Variants in DISP1 observed in about 807,000 individuals in gnomAD.
The protein encoded by DISP1 is dispatched RND transporter family member 1.
A neutral mutation model predicts 37.3 loss-of-function variants in DISP1; 30 were observed. The ratio of observed to expected loss-of-function variants is 0.80; its 90% CI spans 0.60 to 1.09. The LOEUF is 1.09. Ranked by LOEUF, DISP1 falls within the 50% of genes least tolerant of loss-of-function variation. DISP1 has a pLI of 0.00. For missense variants in DISP1, 1,598 were observed against 1,879.5 expected (o/e 0.85, Z 2.77); for synonymous variants, 634 against 690.2 (o/e 0.92, Z 1.28).
chr1:222,828,152 T>C (rs1664875080), intron 1 of DISP1, among the ~76,000 whole-genome samples: 1 of 152,208 alleles, frequency 6.6e-6, no homozygotes, highest in Non-Finnish European at 1.5e-5. Context: ...GCAGGTGACT[T>C]GTCTGTGGTT....
At chr1:222,999,764 C>T (rs768416896) in intron 8 of DISP1, among the ~76,000 whole-genome samples, 13 of 152,152 alleles carry the variant, frequency 8.5e-5, no homozygotes, top group Admixed American at 1.3e-4. Context: ...GAACTCCATT[C>T]CTTTAAATTC....
intron 1 of DISP1, among the ~76,000 whole-genome samples, chr1:222,905,079 G>GT (rs1287069756): frequency 6.6e-6 from 1 of 152,088 alleles, no homozygotes; most frequent in African/African-American, 2.4e-5. Context: ...TAAGAAAGAA[G>GT]TAACTATTAT....
At chr1:222,957,405 A>G (rs1009512206) in intron 3 of DISP1, among the ~76,000 whole-genome samples, 1 of 152,136 alleles carries the variant, frequency 6.6e-6, no homozygotes, top group Middle Eastern at 3.2e-3. Context: ...CCTGACCAAC[A>G]TAGTGAAATC....
At chr1:222,917,753 G>A (rs547366222) in intron 1 of DISP1, among the ~76,000 whole-genome samples, 3 of 152,254 alleles carry the variant, frequency 2.0e-5, no homozygotes, top group South Asian at 4.1e-4. Flanking sequence ...GATTGCAAAC[G>A]TGGACTGTAA....
chr1:222,818,188 G>A (rs1362083193), intron 1 of DISP1, among the ~76,000 whole-genome samples: 3 of 152,218 alleles, frequency 2.0e-5, no homozygotes, highest in African/African-American at 7.2e-5. Flanking sequence ...TGACATACTA[G>A]GGGTCTTGAT....
At chr1:222,837,115 A>T (rs1184022913) in intron 1 of DISP1, 13 of 398,344 alleles carry the variant, frequency 3.3e-5, no homozygotes, top group African/African-American at 2.5e-4. Context: ...TTGGGATGTG[A>T]AAGGAAGAGA....
intron 3 of DISP1, among the ~76,000 whole-genome samples, chr1:222,944,095 G>C (rs943299450): frequency 1.3e-5 from 2 of 152,140 alleles, no homozygotes; most frequent in African/African-American, 4.8e-5. Context: ...CCTTATGGCT[G>C]TACTCAACAT....
chr1:222,903,518 A>T (rs917886741), intron 1 of DISP1, among the ~76,000 whole-genome samples: 6 of 152,100 alleles, frequency 3.9e-5, no homozygotes, highest in African/African-American at 1.4e-4. Flanking sequence ...CTAAATTTAT[A>T]TATGTAAATA....
intron 3 of DISP1, among the ~76,000 whole-genome samples, chr1:222,948,381 T>C (rs1006715708): frequency 3.3e-5 from 5 of 152,212 alleles, no homozygotes; most frequent in African/African-American, 9.7e-5. Context: ...CAATAAAATA[T>C]CCACAGAAGC....
rs976144181 is a variant in DISP1, at chr1:222,977,325, C to T, written c.510-5755C>T. ...CTGGGATTACAGGCATGAGCCACCACGCCCGGTCAGCATATTCTTTTTTTT... is the reference window on the plus strand; with the variant it reads ...CTGGGATTACAGGCATGAGCCACCATGCCCGGTCAGCATATTCTTTTTTTT... On this transcript the variant is annotated intron_variant, in intron 3 of 8. Coordinates refer to ENST00000675850, the MANE Select transcript of DISP1 (RefSeq NM_001377229.1). 8.7e-5 allele frequency among the ~76,000 whole-genome samples: 13 copies of T among 148,862 alleles called. 1 individual carries two copies. The highest frequency in any genetic ancestry group is 4.7e-4 in the Admixed American group (7 of 14,794).
chr1:222,960,969 A>T (rs1676014590), intron 3 of DISP1, among the ~76,000 whole-genome samples: 1 of 152,210 alleles, frequency 6.6e-6, no homozygotes, highest in Non-Finnish European at 1.5e-5. Flanking sequence ...TTGAGGCAGT[A>T]ATTAGTAGTC....
Position 222,994,925 on chromosome 1 carries a change from G to C in DISP1, c.930G>C (p.Gly310=). ...GAGTGGTATTTACTTCATCTGGAGG[G>C]GAGACATTATGGAATTTACCTGCAA... ...YSRVVFTSSG[G]ETLWNLPAIK... Residue 310 remains glycine (G), a synonymous_variant, in exon 8 of 9, where the codon GGG becomes GGC. Transcript: ENST00000675850. The C allele has an allele frequency of 1.2e-6, 2 of 1,613,118 alleles. No homozygotes were observed. Among genetic ancestry groups the C allele is most frequent in the Non-Finnish European group, 1.7e-6 (2 of 1,179,484 alleles).
chr1:222,949,985 T>C (rs372304429), intron 3 of DISP1, among the ~76,000 whole-genome samples: 9 of 152,320 alleles, frequency 5.9e-5, no homozygotes, highest in African/African-American at 1.9e-4. Flanking sequence ...GCAAGACTTA[T>C]ACCAACAAGT....
intron 3 of DISP1, 149 bp from the exon 4 acceptor site, chr1:222,982,930 TA>T (rs1302127487): frequency 1.8e-5 from 12 of 660,342 alleles, no homozygotes; most frequent in African/African-American, 4.3e-5. Context: ...ATCTCTCAAA[TA>T]GATTGCCTTT....
intron 1 of DISP1, among the ~76,000 whole-genome samples, chr1:222,830,115 C>A (rs1665375660): frequency 6.6e-6 from 1 of 152,106 alleles, no homozygotes; most frequent in Non-Finnish European, 1.5e-5. Context: ...TTTTTCCCTG[C>A]CTGTTCCTTA....
intron 1 of DISP1, among the ~76,000 whole-genome samples, chr1:222,881,968 A>G (rs778009824): frequency 6.6e-6 from 1 of 152,206 alleles, no homozygotes; most frequent in African/African-American, 2.4e-5. Context: ...CGAAACATTT[A>G]AAAAAGGCAG....
intron 1 of DISP1, among the ~76,000 whole-genome samples, chr1:222,902,293 T>C (rs940817680): frequency 1.3e-5 from 2 of 152,212 alleles, no homozygotes; most frequent in African/African-American, 4.8e-5. Flanking sequence ...TGTGGGCATT[T>C]AGTGCTGTAA....
intron 1 of DISP1, among the ~76,000 whole-genome samples, chr1:222,912,577 C>A (rs944505536): frequency 2.0e-5 from 3 of 152,100 alleles, no homozygotes; most frequent in African/African-American, 4.8e-5. Flanking sequence ...CTTTTTACTT[C>A]TTTTTACTTC....
Position 222,992,051 on chromosome 1 carries a change from G to A in DISP1, c.830G>A (p.Arg277Lys). 6.2e-7 allele frequency: 1 copy of A among 1,613,988 alleles called. No homozygotes were observed. Residue 277 changes from arginine to lysine, a missense_variant, in exon 7 of 9, where the codon AGA (arginine) becomes AAA (lysine). Physicochemically the swap from Arg to Lys is conservative, Grantham distance 26. Coordinates refer to ENST00000675850, the MANE Select transcript of DISP1 (RefSeq NM_001377229.1). ...AGATGGTCAGATGATCATTATGAAAGAGAGAAAAGAGAAGTTGACTGGAAC... is the reference window on the plus strand; with the variant it reads ...AGATGGTCAGATGATCATTATGAAAAAGAGAAAAGAGAAGTTGACTGGAAC... Reference protein sequence around the residue: ...DDRWSDDHYEREKREVDWNFH... With the variant: ...DDRWSDDHYEKEKREVDWNFH...
Sources: gnomAD v4.1 joint callset for allele counts (sites outside exome capture counted in the v4.1 genomes callset) on GRCh38, gnomAD v4.1.1 for gene constraint, MANE v1.5 for transcripts, NCBI Gene and HGNC (gene_info 2026-07-23, HGNC 2026-07-21) for gene names.